The following TPPP variants were observed in gnomAD, a reference collection of about 807,000 sequenced individuals.
TPPP encodes tubulin polymerization-promoting protein.
In TPPP, 6 loss-of-function variants were observed where a neutral mutation model predicts 15.5. The observed-to-expected ratio is 0.39, with a 90% confidence interval of 0.21 to 0.77. TPPP has a LOEUF of 0.77. Ranked by LOEUF, TPPP falls within the 30% of genes least tolerant of loss-of-function variation. The pLI, the probability that TPPP is intolerant of heterozygous loss-of-function variation, is 0.42. For missense variants in TPPP, 269 were observed against 307.2 expected (o/e 0.88, Z 0.93); for synonymous variants, 146 against 133.9 (o/e 1.09, Z -0.63).
Position 677,998 on chromosome 5 carries a change from G to T in TPPP, c.63C>A (p.Asp21Glu). ...ANRTPPKSPG[D>E]PSKDRAAKRL... ...TCTTGGCTGCCCGGTCCTTCGAGGGGTCCCCCGGGGACTTGGGGGGCGTCC... is the reference window on the plus strand; with the variant it reads ...TCTTGGCTGCCCGGTCCTTCGAGGGTTCCCCCGGGGACTTGGGGGGCGTCC... The change falls in exon 2 of 4, where the codon GAC becomes GAA. Residue 21 changes from aspartate to glutamate, a missense_variant. By Grantham distance (45) the Asp-to-Glu change is conservative. Transcript: ENST00000360578. 6.2e-7 allele frequency: 1 copy of T among 1,606,334 alleles called. No individual in the cohort carries two copies. The highest frequency in any genetic ancestry group is 8.5e-7 in the Non-Finnish European group (1 of 1,176,946).
At chr5:684,826 G>A (rs562206131) in intron 1 of TPPP, among the ~76,000 whole-genome samples, 1 of 152,320 alleles carries the variant, frequency 6.6e-6, no homozygotes, top group Admixed American at 6.5e-5. Flanking sequence ...CTCAGCCCAG[G>A]CCGCCTGTCA....
intron 2 of TPPP, among the ~76,000 whole-genome samples, chr5:671,809 G>A (rs879893489): frequency 3.9e-5 from 6 of 152,198 alleles, no homozygotes; most frequent in Non-Finnish European, 5.9e-5. Flanking sequence ...CTCCAGAGCC[G>A]CCGAGTGCAA....
chr5:665,455 C>T (rs1739857072), intron 3 of TPPP, 159 bp from the exon 4 acceptor site: 1 of 703,962 alleles, frequency 1.4e-6, no homozygotes, highest in South Asian at 1.9e-5. Flanking sequence ...ATTTTTACCT[C>T]TCCTGACCCT....
chr5:698,336 A>G (rs1307152671), upstream of TPPP, among the ~76,000 whole-genome samples: 1 of 152,082 alleles, frequency 6.6e-6, no homozygotes, highest in East Asian at 1.9e-4. Context: ...AGAGAAAGAA[A>G]TAAAGGGAAT....
chr5:665,097 G>T lies in TPPP; in HGVS notation c.*5C>A. ...CCGGCAGTGCCGCGAGGCATGGAGC[G>T]GGGGCTACTTGCCCCCTTGCACCTT... On this transcript the variant is annotated 3_prime_UTR_variant, in exon 4 of 4. Coordinates refer to ENST00000360578, the MANE Select transcript of TPPP (RefSeq NM_007030.3). 1 of 1,608,054 alleles carries T rather than the reference G, an allele frequency of 6.2e-7. No individual in the cohort carries two copies.
At position 666,129 on chromosome 5, in the gene TPPP, G is replaced by GGGGCATAGGCGACTTA; in HGVS notation, c.312-7_312-6insTAAGTCGCCTATGCCC. The GGGGCATAGGCGACTTA allele has an allele frequency of 6.2e-7, 1 of 1,606,620 alleles. No individual in the cohort carries two copies. On this transcript the variant is annotated splice_polypyrimidine_tract_variant and splice_region_variant and intron_variant, in intron 2 of 3. Transcript: ENST00000360578. ...TGGTCCGGCAAGACTTCCCTCTACAGGGGCACAGGCGACTTAGGGCTGGGC... is the reference window on the plus strand; with the variant it reads ...TGGTCCGGCAAGACTTCCCTCTACAGGGGCATAGGCGACTTAGGGCACAGGCGACTTAGGGCTGGGC...
intron 2 of TPPP, among the ~76,000 whole-genome samples, chr5:669,370 G>A (rs574273876): frequency 2.2e-4 from 33 of 152,276 alleles, no homozygotes; most frequent in Middle Eastern, 3.4e-3. Context: ...GCTCGGCGTG[G>A]ACACCCGCAC....
chr5:673,613 C>T (rs1237191681), intron 2 of TPPP, among the ~76,000 whole-genome samples: 2 of 152,198 alleles, frequency 1.3e-5, no homozygotes, highest in South Asian at 2.1e-4. Context: ...GGGTCTCAGC[C>T]TCAACCCCTC....
rs1740500586 is a variant in TPPP at position 677,839 on chromosome 5, C to T, written c.222G>A (p.Lys74=). The change falls in exon 2 of 4, where the codon AAG becomes AAA. Residue 74 remains lysine, a synonymous_variant. Transcript: ENST00000360578. ...ARATGREMHG[K]NWSKLCKDCQ... ...AGTCCTTGCACAGCTTCGACCAGTTCTTGCCGTGCATCTCCCTCCCGGTGG... is the reference window on the plus strand; with the variant it reads ...AGTCCTTGCACAGCTTCGACCAGTTTTTGCCGTGCATCTCCCTCCCGGTGG... 6.2e-7 allele frequency: 1 copy of T among 1,612,412 alleles called. No individual in the cohort carries two copies. The highest frequency in any genetic ancestry group is 1.7e-5 in the Admixed American group (1 of 59,938).
rs78102270 is a variant in TPPP, at chr5:667,726, C to T, written c.312-1603G>A. 1.5e-4 allele frequency among the ~76,000 whole-genome samples: 23 copies of T among 151,184 alleles called. No individual in the cohort carries two copies. In the East Asian group the frequency reaches 3.7e-3, roughly 24 times the overall value. On this transcript the variant is annotated intron_variant, in intron 2 of 3. Transcript: ENST00000360578. ...AAGAAAAAAAATCCATGTGAAAAGA[C>T]GGGCAGAATATTTGAAGCAGACACC...
At position 659,892 on chromosome 5, in the gene TPPP, T is replaced by A. The variant is rs975020866; in HGVS notation, c.*5210A>T. The A allele has an allele frequency of 2.0e-5, 3 of 152,402 alleles. No individual in the cohort carries two copies. Among genetic ancestry groups the A allele is most frequent in the African/African-American group, 7.2e-5 (3 of 41,452 alleles). The allele number at this position is 152,402 out of a possible 1,614,324, so 9.4% of individuals were successfully genotyped here. Reference sequence around the variant, plus strand: ...GTTTTAACACCTTTATTTGTCACTTTACCAACTTGACACACAATGTTAACG... The same window carrying A: ...GTTTTAACACCTTTATTTGTCACTTAACCAACTTGACACACAATGTTAACG... On this transcript the variant is annotated 3_prime_UTR_variant, in exon 4 of 4. Transcript: ENST00000360578.
intron 1 of TPPP, among the ~76,000 whole-genome samples, chr5:684,310 AG>A (rs1342418769): frequency 2.0e-5 from 3 of 152,218 alleles, no homozygotes; most frequent in Non-Finnish European, 2.9e-5. Flanking sequence ...CACAGCCCCA[AG>A]GGAGACCTTG....
chr5:693,441 C>T (rs1343036028), upstream of TPPP: 1 of 147,592 alleles, frequency 6.8e-6, no homozygotes, highest in African/African-American at 2.5e-5. Flanking sequence ...CCCCCAGCGT[C>T]CGGCGCCCGC....
chr5:699,455 T>G, the TPPP span, among the ~76,000 whole-genome samples: 1 of 152,064 alleles, frequency 6.6e-6, no homozygotes, highest in African/African-American at 2.4e-5. Flanking sequence ...TCTCACCATA[T>G]ACAAAAGTTA....
At chr5:683,621 G>A (rs950980482) in intron 1 of TPPP, among the ~76,000 whole-genome samples, 8 of 152,230 alleles carry the variant, frequency 5.3e-5, no homozygotes, top group African/African-American at 1.9e-4. Context: ...GGCCATGCTG[G>A]CTCAGACGCC....
intron 2 of TPPP, among the ~76,000 whole-genome samples, chr5:670,302 G>A (rs1483180498): frequency 6.6e-6 from 1 of 152,162 alleles, no homozygotes; most frequent in Non-Finnish European, 1.5e-5. Flanking sequence ...GGGCCGGCGG[G>A]CGAGGTGACA....
chr5:677,391 A>C (rs1442766402), intron 2 of TPPP, among the ~76,000 whole-genome samples: 8 of 152,166 alleles, frequency 5.3e-5, no homozygotes. Context: ...CAGTGATCCC[A>C]GTCACAGCTC....
chr5:677,735 G>C lies in TPPP; in HGVS notation c.311+15C>G. 6.5e-7 allele frequency: 1 copy of C among 1,539,518 alleles called. No individual in the cohort carries two copies. Among genetic ancestry groups the C allele is most frequent in the Middle Eastern group, 1.8e-4 (1 of 5,712 alleles). ...GTAAGTCAGGTCCCTCGGCCCGTGA[G>C]CCCAGCGCACTCACTTGATCTTGCT... On this transcript the variant is annotated intron_variant, in intron 2 of 3. Transcript: ENST00000360578.
chr5:675,706 G>C (rs1271273689), intron 2 of TPPP: 1 of 154,794 alleles, frequency 6.5e-6, no homozygotes, highest in Admixed American at 6.5e-5. Flanking sequence ...CCCTTGCTCT[G>C]GCAGGCTCCT....
Sources: gnomAD v4.1 joint callset for allele counts (sites outside exome capture counted in the v4.1 genomes callset) on GRCh38, gnomAD v4.1.1 for gene constraint, MANE v1.5 for transcripts, NCBI Gene and HGNC (gene_info 2026-07-23, HGNC 2026-07-21) for gene names.